Variants in IQCK observed in about 807,000 individuals in gnomAD.
The protein encoded by IQCK is IQ motif containing K.
Under a neutral mutation model 28.1 loss-of-function variants are expected in IQCK, and 29 were observed. The observed-to-expected ratio is 1.03, with a 90% CI of 0.77 to 1.41. IQCK has a LOEUF of 1.41. Among genes scored for constraint, IQCK ranks in the 40% most tolerant of loss-of-function variants. The pLI is 0.00. For missense variants in IQCK, 359 were observed against 314.7 expected (o/e 1.14, Z -1.07); for synonymous variants, 113 against 115.1 (o/e 0.98, Z 0.12).
intron 1 of IQCK, among the ~76,000 whole-genome samples, chr16:19,725,011 CCTT>C (rs934611692): frequency 2.6e-5 from 4 of 152,072 alleles, no homozygotes; most frequent in African/African-American, 9.7e-5. Context: ...TTTCCGGGCT[CCTT>C]CTGCTCTGCC....
At chr16:19,857,530 T>G in exon 10 of IQCK, 1 of 403,806 alleles carries the variant, frequency 2.5e-6, no homozygotes, top group Non-Finnish European at 4.7e-6. Context: ...ATATATATTA[T>G]CTATCAAAAG....
chr16:19,791,673 C>T (rs1555519401), intron 7 of IQCK, among the ~76,000 whole-genome samples: 1 of 144,894 alleles, frequency 6.9e-6, no homozygotes, highest in Non-Finnish European at 1.5e-5. Context: ...CTGAATTCTA[C>T]TTATCATACC....
chr16:19,811,893 C>G (rs887731046), intron 7 of IQCK, among the ~76,000 whole-genome samples: 12 of 152,134 alleles, frequency 7.9e-5, no homozygotes, highest in African/African-American at 2.9e-4. Context: ...CATACTCAAT[C>G]AGTACCTACA....
intron 7 of IQCK, among the ~76,000 whole-genome samples, chr16:19,806,110 G>C (rs2055830273): frequency 6.6e-6 from 1 of 152,172 alleles, no homozygotes; most frequent in South Asian, 2.1e-4. Flanking sequence ...GGTGTTATTT[G>C]ATCTGAGACC....
intron 7 of IQCK, among the ~76,000 whole-genome samples, chr16:19,811,312 A>G (rs1468354893): frequency 1.3e-5 from 2 of 152,216 alleles, no homozygotes; most frequent in East Asian, 3.9e-4. Context: ...GGTCTCTAGC[A>G]TAGCAAACTT....
intron 1 of IQCK, among the ~76,000 whole-genome samples, chr16:19,727,461 C>T (rs1977692239): frequency 6.6e-6 from 1 of 151,980 alleles, no homozygotes; most frequent in African/African-American, 2.4e-5. Flanking sequence ...GCAGCATGTG[C>T]CTGTAGTCCC....
At chr16:19,746,533 G>A (rs1006023346) in intron 4 of IQCK, among the ~76,000 whole-genome samples, 2 of 152,146 alleles carry the variant, frequency 1.3e-5, no homozygotes, top group Non-Finnish European at 2.9e-5. Flanking sequence ...TCTTAGAATT[G>A]CCGTCAGATC....
chr16:19,811,911 G>A (rs2141068262), intron 7 of IQCK, among the ~76,000 whole-genome samples: 1 of 152,164 alleles, frequency 6.6e-6, no homozygotes, highest in South Asian at 2.1e-4. Context: ...ACAGGGAAAG[G>A]GTCTGGGATT....
chr16:19,750,815 C>A (rs2054976741), intron 4 of IQCK, among the ~76,000 whole-genome samples: 1 of 151,988 alleles, frequency 6.6e-6, no homozygotes, highest in Non-Finnish European at 1.5e-5. Context: ...CCTGGCACAG[C>A]TACAATGAAA....
chr16:19,757,208 G>C (rs548427512), intron 4 of IQCK, among the ~76,000 whole-genome samples: 1 of 152,234 alleles, frequency 6.6e-6, no homozygotes, highest in Admixed American at 6.5e-5. Context: ...CTCACAGCAT[G>C]TGCTTTTGAC....
At chr16:19,829,748 G>A (rs2056204770), downstream of IQCK, among the ~76,000 whole-genome samples, 2 of 152,146 alleles carry the variant, frequency 1.3e-5, no homozygotes, top group Admixed American at 6.6e-5. Context: ...AACAAGTCCC[G>A]CTGATGCTTG....
At chr16:19,833,317 A>T (rs757402920) in intron 9 of IQCK, among the ~76,000 whole-genome samples, 1 of 152,238 alleles carries the variant, frequency 6.6e-6, no homozygotes, top group African/African-American at 2.4e-5. Flanking sequence ...CACAGTGTCC[A>T]TAAGAAAAAA....
At chr16:19,816,305 G>A (rs1019735940) in intron 7 of IQCK, among the ~76,000 whole-genome samples, 5 of 151,948 alleles carry the variant, frequency 3.3e-5, no homozygotes, top group Admixed American at 6.6e-5. Context: ...TTTTTGAGAC[G>A]GAGTCTTACT....
intron 4 of IQCK, among the ~76,000 whole-genome samples, chr16:19,745,922 G>A (rs1212842412): frequency 6.6e-6 from 1 of 152,166 alleles, no homozygotes; most frequent in African/African-American, 2.4e-5. Context: ...TTACAGCGTG[G>A]TGGTCTCCAG....
At chr16:19,827,254 T>C, downstream of IQCK, 2 of 690,418 alleles carry the variant, frequency 2.9e-6, no homozygotes. Flanking sequence ...GGAACTCAGC[T>C]TGTGCATGGG....
intron 7 of IQCK, among the ~76,000 whole-genome samples, chr16:19,818,527 G>A (rs1314923379): frequency 1.3e-5 from 2 of 152,030 alleles, no homozygotes; most frequent in African/African-American, 4.8e-5. Context: ...TGAGTAGCTG[G>A]GATTACAGAC....
chr16:19,845,977 G>A (rs1415538613), intron 9 of IQCK, among the ~76,000 whole-genome samples: 2 of 152,176 alleles, frequency 1.3e-5, no homozygotes, highest in Non-Finnish European at 2.9e-5. Context: ...TTGGGAGGCT[G>A]AGGTGGGGGG....
At chr16:19,819,025 C>G (rs1395719571) in intron 7 of IQCK, among the ~76,000 whole-genome samples, 1 of 152,094 alleles carries the variant, frequency 6.6e-6, no homozygotes, top group Non-Finnish European at 1.5e-5. Flanking sequence ...AATATTTCTC[C>G]CCAAGTTTCC....
chr16:19,810,278 C>T (rs1157767216), intron 7 of IQCK, among the ~76,000 whole-genome samples: 4 of 148,924 alleles, frequency 2.7e-5, no homozygotes, highest in East Asian at 2.0e-4. Context: ...GGGCGGATCA[C>T]GAGGTCAGGA....
Sources: gnomAD v4.1 joint callset for allele counts (sites outside exome capture counted in the v4.1 genomes callset) on GRCh38, gnomAD v4.1.1 for gene constraint, MANE v1.5 for transcripts, NCBI Gene and HGNC (gene_info 2026-07-23, HGNC 2026-07-21) for gene names.